The following NECTIN1 variants were observed in gnomAD, a reference collection of about 807,000 sequenced individuals.
NECTIN1 encodes the protein nectin-1.
Under a neutral mutation model 48.0 loss-of-function variants are expected in NECTIN1, and 23 were observed. The observed-to-expected ratio is 0.48, with a 90% CI of 0.34 to 0.68. The LOEUF is 0.68. Among genes scored for constraint, NECTIN1 ranks in the 30% least tolerant of loss-of-function variants. The pLI is 0.01. For synonymous variants in NECTIN1, 270 were observed against 288.9 expected (o/e 0.93, Z 0.66); for missense variants, 591 against 709.9 (o/e 0.83, Z 1.90).
intron 1 of NECTIN1, among the ~76,000 whole-genome samples, chr11:119,692,411 A>ATGTGTG (rs60998928): frequency 2.1e-5 from 3 of 142,452 alleles, no homozygotes; most frequent in South Asian, 2.3e-4. Flanking sequence ...TGTGGCAGTG[A>ATGTGTG]TGTGTGTGTG....
intron 5 of NECTIN1, among the ~76,000 whole-genome samples, chr11:119,646,866 G>A (rs912549218): frequency 1.3e-5 from 2 of 152,258 alleles, no homozygotes; most frequent in Admixed American, 1.3e-4. Context: ...AATGAAATAA[G>A]AGCAGGACTG....
In NECTIN1 at chr11:119,722,066, A is replaced by C. The variant is rs1005562783; in HGVS notation, c.79+6409T>G. The stretch of plus-strand genomic sequence containing the variant: ...CTGGTTCATCCTCTTCCGTCTGTCC[A>C]TTCCCGATCTTTTCATCCTTCTGGT... On this transcript the variant is annotated intron_variant, in intron 1 of 5. Coordinates refer to ENST00000264025, the MANE Select transcript of NECTIN1 (RefSeq NM_002855.5). Among the ~76,000 whole-genome samples the C allele has an allele frequency of 2.6e-5, 4 of 152,316 alleles. No individual in the cohort carries two copies. In the East Asian group the frequency reaches 7.7e-4, roughly 29 times the overall value.
At chr11:119,679,552 C>CA (rs1251792837) in intron 1 of NECTIN1, among the ~76,000 whole-genome samples, 2 of 152,206 alleles carry the variant, frequency 1.3e-5, no homozygotes, top group Non-Finnish European at 2.9e-5. Context: ...GACCTCCTTG[C>CA]ACCTGCCTCT....
rs762508350 is a variant in NECTIN1 at position 119,678,385 on chromosome 11, T to C, written c.430+30A>G. On this transcript the variant is annotated intron_variant, in intron 2 of 5. Transcript: ENST00000264025. The surrounding 1 kb of genome is among the most constrained non-coding windows in gnomAD (Gnocchi z 4.4). Reference sequence around the variant, plus strand: ...CGCCCCGAGGTCACAGGCCTCTGGATGAACAGGGAGGGGGCCCAGGGCAGC... The same window carrying C: ...CGCCCCGAGGTCACAGGCCTCTGGACGAACAGGGAGGGGGCCCAGGGCAGC... The C allele has an allele frequency of 6.3e-7, 1 of 1,598,652 alleles. No homozygotes were observed. The highest frequency in any genetic ancestry group is 2.2e-5 in the East Asian group (1 of 44,786).
At chr11:119,659,448 T>G (rs544851021), downstream of NECTIN1, among the ~76,000 whole-genome samples, 2 of 152,148 alleles carry the variant, frequency 1.3e-5, no homozygotes, top group Non-Finnish European at 2.9e-5. Flanking sequence ...CTCAGACAGG[T>G]GCTGCTTCCA....
chr11:119,695,474 C>T (rs4938711), intron 1 of NECTIN1, among the ~76,000 whole-genome samples: 66,547 of 151,106 alleles, frequency 0.44, 14,949 homozygotes, highest in East Asian at 0.58. Context: ...TGAAGACAGA[C>T]GTGCTCACCC....
intron 5 of NECTIN1, among the ~76,000 whole-genome samples, chr11:119,652,235 G>C (rs1056706599): frequency 1.1e-4 from 17 of 152,142 alleles, no homozygotes; most frequent in African/African-American, 4.1e-4. Context: ...ACCCCACCCG[G>C]TGTGGTCACC....
rs1301015152 is a variant in NECTIN1, at chr11:119,729,179, G to T, written c.-626C>A. 1 of 152,136 alleles carries T rather than the reference G, an allele frequency of 6.6e-6. No homozygotes were observed. The highest frequency in any genetic ancestry group is 1.5e-5 in the Non-Finnish European group (1 of 68,048). 9.4% of individuals were successfully genotyped at this position (152,136 alleles called of 1,614,324 possible). ...GCGATCCGCAACAATGTGGAGCCGC[G>T]CTCGCTGCTCTCGCTCTCTTTCTCT... On this transcript the variant is annotated 5_prime_UTR_variant, in exon 1 of 6. Transcript: ENST00000264025.
intron 1 of NECTIN1, among the ~76,000 whole-genome samples, chr11:119,687,966 G>A (rs190096510): frequency 6.6e-6 from 1 of 152,192 alleles, no homozygotes; most frequent in African/African-American, 2.4e-5. Context: ...TAGGGATGGG[G>A]TGGGAGTTCT....
chr11:119,706,008 C>T (rs1038199309), intron 1 of NECTIN1, among the ~76,000 whole-genome samples: 4 of 152,206 alleles, frequency 2.6e-5, no homozygotes, highest in Non-Finnish European at 5.9e-5. Flanking sequence ...AAACAATGGC[C>T]TTGAGCCAAG....
At chr11:119,643,175 G>A (rs547116077) in intron 5 of NECTIN1, among the ~76,000 whole-genome samples, 1 of 152,268 alleles carries the variant, frequency 6.6e-6, no homozygotes, top group East Asian at 1.9e-4. Context: ...TTGTCACCAT[G>A]GGCCTTGCCT....
intron 1 of NECTIN1, among the ~76,000 whole-genome samples, chr11:119,711,863 G>A (rs1459584096): frequency 6.6e-6 from 1 of 152,236 alleles, no homozygotes; most frequent in Non-Finnish European, 1.5e-5. Flanking sequence ...TTGTCCTCCA[G>A]GGAATATTCG....
At position 119,662,343 on chromosome 11, in the gene NECTIN1, C is replaced by T. The variant is rs2135540354; in HGVS notation, c.*2404G>A. ...TCCAAGTGCTGACTCCTGCCTCATG[C>T]CCACCCTCAGCCCAGGCTGGCAGCT... On this transcript the variant is annotated 3_prime_UTR_variant, in exon 6 of 6. Coordinates refer to ENST00000264025, the MANE Select transcript of NECTIN1 (RefSeq NM_002855.5). This position sits in a 1 kb window ranked among gnomAD's most constrained non-coding sequence, Gnocchi z 5.3. The T allele has an allele frequency of 4.1e-6, 4 of 985,844 alleles. No individual in the cohort carries two copies. The highest frequency in any genetic ancestry group is 4.8e-6 in the Non-Finnish European group (4 of 829,946). The allele number at this position is 985,844 out of a possible 1,614,324, so 61.1% of individuals were successfully genotyped here. A position where few individuals can be genotyped will look rare whatever the true frequency, so the allele number is the denominator to read the frequency against.
chr11:119,715,544 C>T (rs997897247), intron 1 of NECTIN1, among the ~76,000 whole-genome samples: 6 of 152,052 alleles, frequency 3.9e-5, no homozygotes, highest in Non-Finnish European at 7.4e-5. Context: ...TTAGTAGAGA[C>T]AGGGTTTCAC....
Position 119,677,264 on chromosome 11 carries a change from G to T in NECTIN1, c.734-45C>A. The T allele has an allele frequency of 2.6e-6, 4 of 1,532,410 alleles. No individual in the cohort carries two copies. Among genetic ancestry groups the T allele is most frequent in the Non-Finnish European group, 3.6e-6 (4 of 1,106,302 alleles). 94.9% of individuals were successfully genotyped at this position (1,532,410 alleles called of 1,614,324 possible). Reference sequence around the variant, plus strand: ...TGAAGAGGGTGAGGTCAGGAGAGCGGGACTTAGAACAAGGGAACTTCAGCC... The same window carrying T: ...TGAAGAGGGTGAGGTCAGGAGAGCGTGACTTAGAACAAGGGAACTTCAGCC... On this transcript the variant is annotated intron_variant, in intron 3 of 5. Transcript: ENST00000264025. This position sits in a 1 kb window ranked among gnomAD's most constrained non-coding sequence, Gnocchi z 5.4.
At chr11:119,699,513 C>T (rs1171517524) in intron 1 of NECTIN1, among the ~76,000 whole-genome samples, 1 of 30 alleles carries the variant, frequency 0.033, no homozygotes, top group Non-Finnish European at 0.05. Flanking sequence ...CCCGCCCCAC[C>T]CCTGCAACTC....
chr11:119,674,585 T>G, intron 5 of NECTIN1: 2 of 1,614,170 alleles, frequency 1.2e-6, no homozygotes, highest in South Asian at 1.1e-5. Context: ...CCAGGTGAAG[T>G]CTCTCCTCAG....
Position 119,663,752 on chromosome 11 carries a change from T to C in NECTIN1, c.*995A>G, listed in dbSNP as rs1019391253. The C allele has an allele frequency of 1.3e-5, 13 of 985,374 alleles. No homozygotes were observed. The African/African-American group carries it at 2.1e-4, about 16-fold the overall frequency. 61.0% of individuals were successfully genotyped at this position (985,374 alleles called of 1,614,324 possible). A position where few individuals can be genotyped will look rare whatever the true frequency, so the allele number is the denominator to read the frequency against. ...AAACCTCCACGCTGTAAGAAGCAGT[T>C]TGGGGCAGGCCTGAGATCCTAGGGT... On this transcript the variant is annotated 3_prime_UTR_variant, in exon 6 of 6. Coordinates refer to ENST00000264025, the MANE Select transcript of NECTIN1 (RefSeq NM_002855.5).
chr11:119,674,025 C>G (rs751848253), intron 5 of NECTIN1, among the ~76,000 whole-genome samples: 9 of 152,198 alleles, frequency 5.9e-5, no homozygotes, highest in Non-Finnish European at 1.3e-4. Context: ...AGACCCTGGA[C>G]AACTTCACGT....
Sources: allele counts gnomAD v4.1 joint callset (sites outside exome capture counted in the v4.1 genomes callset), GRCh38; gene constraint gnomAD v4.1.1; non-coding constraint Gnocchi (gnomAD v3.1); transcripts MANE v1.5; gene names NCBI Gene and HGNC (gene_info 2026-07-23, HGNC 2026-07-21).